ACOX3: variants seen among roughly 807,000 people sequenced by gnomAD.
The protein encoded by ACOX3 is acyl-CoA oxidase 3, pristanoyl.
In ACOX3, 73 loss-of-function variants were observed where a neutral mutation model predicts 81.5. The ratio of observed to expected loss-of-function variants is 0.90; its 90% CI spans 0.74 to 1.09. The LOEUF (loss-of-function observed/expected upper bound fraction) is 1.09. Among genes scored for constraint, ACOX3 ranks in the 50% least tolerant of loss-of-function variants. The pLI, the probability that ACOX3 is intolerant of heterozygous loss-of-function variation, is 0.00. For synonymous variants in ACOX3, 387 were observed against 375.1 expected (o/e 1.03, Z -0.37); for missense variants, 947 against 928.0 (o/e 1.02, Z -0.27).
In ACOX3 at chr4:8,386,808, C is replaced by A. The variant is rs1047861941; in HGVS notation, c.1537+2365G>T. 3.9e-5 allele frequency among the ~76,000 whole-genome samples: 6 copies of A among 152,224 alleles called. No homozygotes were observed. Among genetic ancestry groups the A allele is most frequent in the African/African-American group, 1.4e-4 (6 of 41,466 alleles). ...AAGCCGGACCGGCCCAGGCTCCACA[C>A]CGGCTTCGGCCACGGCTGTTGTCCT... On this transcript the variant is annotated intron_variant, in intron 13 of 17. Transcript: ENST00000356406. The surrounding 1 kb of genome is among the most constrained non-coding windows in gnomAD (Gnocchi z 5.2).
chr4:8,369,021 C>T (rs1436919165), intron 17 of ACOX3, among the ~76,000 whole-genome samples: 1 of 152,204 alleles, frequency 6.6e-6, no homozygotes, highest in Non-Finnish European at 1.5e-5. Context: ...GCGACACCTC[C>T]AGCTGGCTCT....
rs969222503 is a variant in ACOX3, at chr4:8,381,229, A to G, written c.1653+263T>C. ...CAAGGCTCTCACAACCCAGAGCTTC[A>G]CCGCTCTGGTTTACGGGCTGGGAAC... On this transcript the variant is annotated intron_variant, in intron 14 of 17. Transcript: ENST00000356406. This position sits in a 1 kb window ranked among gnomAD's most constrained non-coding sequence, Gnocchi z 4.3. 1.3e-5 allele frequency among the ~76,000 whole-genome samples: 2 copies of G among 152,090 alleles called. No individual in the cohort carries two copies. The highest frequency in any genetic ancestry group is 4.8e-5 in the African/African-American group (2 of 41,404).
Position 8,401,058 on chromosome 4 carries a change from C to T in ACOX3, c.777-1406G>A, listed in dbSNP as rs529523583. Among the ~76,000 whole-genome samples the T allele has an allele frequency of 3.9e-5, 6 of 151,916 alleles. No individual in the cohort carries two copies. In the South Asian group the frequency reaches 6.3e-4, roughly 16 times the overall value. ...GTATTAGATTCTCATAAGGAGCGCT[C>T]GCCTTAGATCCCTCACATGCGCAGT... On this transcript the variant is annotated intron_variant, in intron 7 of 17. Transcript: ENST00000356406.
At chr4:8,387,101 C>T (rs1050316367) in intron 13 of ACOX3, among the ~76,000 whole-genome samples, 4 of 152,358 alleles carry the variant, frequency 2.6e-5, no homozygotes, top group South Asian at 2.1e-4. Flanking sequence ...CTCTATCTGC[C>T]CAGTTGAACG....
Position 8,416,031 on chromosome 4 carries a change from T to C in ACOX3, c.145-32A>G, listed in dbSNP as rs377683613. The C allele has an allele frequency of 3.1e-6, 5 of 1,599,298 alleles. No homozygotes were observed. The African/African-American group carries it at 6.7e-5, about 21-fold the overall frequency. Reference sequence around the variant, plus strand: ...ATGCAGGAGATGGGTAAGGCTTATTTGGAGTAAAAGATGGACTCTCCATGT... The same window carrying C: ...ATGCAGGAGATGGGTAAGGCTTATTCGGAGTAAAAGATGGACTCTCCATGT... On this transcript the variant is annotated intron_variant, in intron 2 of 17. Coordinates refer to ENST00000356406, the MANE Select transcript of ACOX3 (RefSeq NM_003501.3). The surrounding 1 kb of genome is among the most constrained non-coding windows in gnomAD (Gnocchi z 4.2).
Position 8,430,103 on chromosome 4 carries a change from C to G in ACOX3, c.-15+10545G>C, listed in dbSNP as rs1344047267. 1.3e-5 allele frequency among the ~76,000 whole-genome samples: 2 copies of G among 152,212 alleles called. No individual in the cohort carries two copies. Among genetic ancestry groups the G allele is most frequent in the African/African-American group, 4.8e-5 (2 of 41,440 alleles). The stretch of plus-strand genomic sequence containing the variant: ...CTCAGGTCATGTTTGGAAATTCTGT[C>G]TACTTCTGTTCTACTCTGAAATACC... On this transcript the variant is annotated intron_variant, in intron 1 of 17. Coordinates refer to ENST00000356406, the MANE Select transcript of ACOX3 (RefSeq NM_003501.3). This position sits in a 1 kb window ranked among gnomAD's most constrained non-coding sequence, Gnocchi z 5.2.
rs1716089260 is a variant in ACOX3 at position 8,370,803 on chromosome 4, ACTTTCCAGAAGACACCAGACCC to A, written c.1983+83_1983+104del. On this transcript the variant is annotated intron_variant, in intron 17 of 17. Coordinates refer to ENST00000356406, the MANE Select transcript of ACOX3 (RefSeq NM_003501.3). This position sits in a 1 kb window ranked among gnomAD's most constrained non-coding sequence, Gnocchi z 6.3. ...CCAAGAAGCTCCTCCATGTGTGACC[ACTTTCCAGAAGACACCAGACCC>A]CTGACCCACAGGAGCATCTCAGCTC... is the stretch of plus-strand genomic sequence containing the variant. 9.4e-6 allele frequency: 10 copies of A among 1,061,884 alleles called. No individual in the cohort carries two copies. Among genetic ancestry groups the A allele is most frequent in the Middle Eastern group, 2.4e-4 (1 of 4,084 alleles). The allele number at this position is 1,061,884 out of a possible 1,614,324, so 65.8% of individuals were successfully genotyped here. A position where few individuals can be genotyped will look rare whatever the true frequency, so the allele number is the denominator to read the frequency against.
At chr4:8,434,818 C>G (rs192317516) in intron 1 of ACOX3, among the ~76,000 whole-genome samples, 1 of 152,192 alleles carries the variant, frequency 6.6e-6, no homozygotes, top group Non-Finnish European at 1.5e-5. Flanking sequence ...AACAGGCGTG[C>G]CTTTATTGGC....
At chr4:8,361,441 A>AAAAAAAAAAAAAAC (rs1715233079), downstream of ACOX3, among the ~76,000 whole-genome samples, 1 of 149,764 alleles carries the variant, frequency 6.7e-6, no homozygotes, top group African/African-American at 2.5e-5. Flanking sequence ...AAAAAAAAAA[A>AAAAAAAAAAAAAAC]AAAAAAAAAA....
chr4:8,357,350 GGAACA>G, the ACOX3 span: 1 of 429,888 alleles, frequency 2.3e-6, no homozygotes, highest in Admixed American at 2.4e-5. Flanking sequence ...GCTGGGTGCA[GGAACA>G]CTGGCATGAA....
At chr4:8,361,387 C>G (rs1424288480), downstream of ACOX3, among the ~76,000 whole-genome samples, 1 of 122,146 alleles carries the variant, frequency 8.2e-6, no homozygotes, top group Non-Finnish European at 1.6e-5. Context: ...GATCATGCCA[C>G]TGCACTCCAG....
At chr4:8,396,122 C>A (rs930186162) in intron 9 of ACOX3, among the ~76,000 whole-genome samples, 16 of 152,246 alleles carry the variant, frequency 1.1e-4, no homozygotes, top group African/African-American at 3.4e-4. Context: ...CTGTGCATGT[C>A]AACAGCTGCC....
rs1216575499 is a variant in ACOX3 at position 8,407,791 on chromosome 4, C to A, written c.688-1748G>T. On this transcript the variant is annotated intron_variant, in intron 6 of 17. Transcript: ENST00000356406. This position sits in a 1 kb window ranked among gnomAD's most constrained non-coding sequence, Gnocchi z 4.6. ...AGCTAATGGCTGCGCACTGTGGGAA[C>A]TCGACGGAAGGACGTGGAGCTTCAT... 6.6e-6 allele frequency among the ~76,000 whole-genome samples: 1 copy of A among 152,228 alleles called. No individual in the cohort carries two copies. The highest frequency in any genetic ancestry group is 1.5e-5 in the Non-Finnish European group (1 of 68,042).
At chr4:8,424,865 G>A (rs558232427) in intron 1 of ACOX3, among the ~76,000 whole-genome samples, 1 of 152,174 alleles carries the variant, frequency 6.6e-6, no homozygotes, top group East Asian at 1.9e-4. Context: ...GTAGAAAAAC[G>A]ACTTCGAAAA....
At chr4:8,427,679 A>G (rs1452523494) in intron 1 of ACOX3, among the ~76,000 whole-genome samples, 2 of 152,212 alleles carry the variant, frequency 1.3e-5, no homozygotes, top group African/African-American at 4.8e-5. Context: ...CTTGGAATCC[A>G]TGAGGCCAAG....
rs1451581419 is a variant in ACOX3 at position 8,399,677 on chromosome 4, G to A, written c.777-25C>T. On this transcript the variant is annotated intron_variant, in intron 7 of 17. Transcript: ENST00000356406. The surrounding 1 kb of genome is among the most constrained non-coding windows in gnomAD (Gnocchi z 4.9). ...ACTGTGGGGAAGCAGCAGGGCTTCT[G>A]TTAAACAGGGGTCCTGCCCTGAGGC... The A allele has an allele frequency of 1.3e-6, 2 of 1,598,396 alleles. No homozygotes were observed. The highest frequency in any genetic ancestry group is 2.7e-5 in the African/African-American group (2 of 74,600).
At chr4:8,374,852 A>T (rs1716718306) in intron 15 of ACOX3, 126 bp downstream of exon 15, 1 of 1,072,960 alleles carries the variant, frequency 9.3e-7, no homozygotes, top group South Asian at 1.9e-5. Context: ...ATCTGTCCAC[A>T]GCGCCATCCG....
intron 1 of ACOX3, among the ~76,000 whole-genome samples, chr4:8,422,497 T>C (rs1045100949): frequency 6.6e-6 from 1 of 152,180 alleles, no homozygotes; most frequent in African/African-American, 2.4e-5. Flanking sequence ...TTTTTCACAA[T>C]AGAGATCAGG....
intron 14 of ACOX3, among the ~76,000 whole-genome samples, chr4:8,376,814 C>A (rs904363814): frequency 6.6e-6 from 1 of 151,814 alleles, no homozygotes; most frequent in African/African-American, 2.4e-5. Flanking sequence ...GTGGCAGGAT[C>A]TGGACTTGCT....
Sources: allele counts gnomAD v4.1 joint callset (sites outside exome capture counted in the v4.1 genomes callset), GRCh38; gene constraint gnomAD v4.1.1; non-coding constraint Gnocchi (gnomAD v3.1); transcripts MANE v1.5; gene names NCBI Gene and HGNC (gene_info 2026-07-23, HGNC 2026-07-21).